DOCK1: variants seen among roughly 807,000 people sequenced by gnomAD.
DOCK1 encodes the protein dedicator of cytokinesis 1, also known as dedicator of cytokinesis protein 1.
DOCK1 carries 138 observed loss-of-function variants against 262.7 expected under a neutral mutation model. That is an observed-to-expected ratio of 0.53 (90% CI 0.46 to 0.61). The LOEUF is 0.61. Ranked by LOEUF, DOCK1 falls within the 20% of genes least tolerant of loss-of-function variation. The pLI, the probability that DOCK1 is intolerant of heterozygous loss-of-function variation, is 0.00. For missense variants in DOCK1, 1,908 were observed against 2,370.7 expected, an observed-to-expected ratio of 0.80 and a Z score of 4.05; for synonymous variants, 866 against 867.4, an observed-to-expected ratio of 1.00 and a Z score of 0.03.
chr10:127,065,640 C>T lies in DOCK1; in HGVS notation c.2445+3864C>T, dbSNP rs2045818264. Among the ~76,000 whole-genome samples, 6 of 152,156 alleles carry T rather than the reference C, an allele frequency of 3.9e-5. No homozygotes were observed. In the South Asian group the frequency reaches 8.3e-4, roughly 21 times the overall value. On this transcript the variant is annotated intron_variant, in intron 23 of 51. Transcript: ENST00000623213. ...CAGCACCCCACCATGCTACCGAAAC[C>T]TCACTTGAAATTCCATATTGACTTT...
intron 33 of DOCK1, among the ~76,000 whole-genome samples, chr10:127,373,496 C>G (rs1419801965): frequency 6.6e-6 from 1 of 151,670 alleles, no homozygotes; most frequent in Non-Finnish European, 1.5e-5. Flanking sequence ...TTTTTTTTCC[C>G]CCTATGGTTT....
chr10:127,373,956 A>G, intron 34 of DOCK1, 90 bp downstream of exon 34: 1 of 1,529,144 alleles, frequency 6.5e-7, no homozygotes, highest in Non-Finnish European at 8.8e-7. Context: ...GTAACCCAGA[A>G]ATAATTAAAA....
chr10:127,235,256 C>A (rs1016540532), intron 27 of DOCK1, among the ~76,000 whole-genome samples: 1 of 151,982 alleles, frequency 6.6e-6, no homozygotes, highest in Non-Finnish European at 1.5e-5. Flanking sequence ...GTAGCCACTA[C>A]CAAATACAAG....
chr10:127,340,928 A>C (rs953842935), intron 30 of DOCK1, among the ~76,000 whole-genome samples: 5 of 152,210 alleles, frequency 3.3e-5, no homozygotes, highest in African/African-American at 1.2e-4. Flanking sequence ...GTTTAGGCTT[A>C]TCATATAGAA....
intron 29 of DOCK1, among the ~76,000 whole-genome samples, chr10:127,265,307 A>G (rs546230020): frequency 6.6e-6 from 1 of 152,240 alleles, no homozygotes; most frequent in South Asian, 2.1e-4. Context: ...TGTCCTTTCA[A>G]ACTTTGAAAT....
chr10:127,031,587 A>T, intron 16 of DOCK1, 63 bp from the exon 17 acceptor site: 5 of 1,309,380 alleles, frequency 3.8e-6, no homozygotes, highest in Non-Finnish European at 5.4e-6. Flanking sequence ...GTAGCTTCTT[A>T]TAATGTTATT....
At chr10:127,279,660 C>T (rs918976320) in intron 29 of DOCK1, among the ~76,000 whole-genome samples, 2 of 152,164 alleles carry the variant, frequency 1.3e-5, no homozygotes, top group African/African-American at 4.8e-5. Flanking sequence ...CTTTTCACAA[C>T]GCACTTTGGA....
At chr10:127,349,574 C>T (rs541723665) in intron 31 of DOCK1, among the ~76,000 whole-genome samples, 1 of 152,246 alleles carries the variant, frequency 6.6e-6, no homozygotes, top group East Asian at 1.9e-4. Context: ...TCAGAATATT[C>T]ACTTAAAGGG....
At chr10:126,987,693 GT>G (rs549529994) in intron 5 of DOCK1, 76 bp downstream of exon 5, 41 of 1,250,622 alleles carry the variant, frequency 3.3e-5, no homozygotes, top group South Asian at 7.2e-5. Context: ...CCAATGGGAT[GT>G]TTTTTTTTCT....
At chr10:127,440,935 C>T (rs949218181) in intron 49 of DOCK1, among the ~76,000 whole-genome samples, 1 of 152,246 alleles carries the variant, frequency 6.6e-6, no homozygotes, top group African/African-American at 2.4e-5. Context: ...AGATGCCCAC[C>T]ACCCCAGAGG....
In DOCK1 at chr10:127,007,133, T is replaced by C. The variant is rs566463808; in HGVS notation, c.986-1599T>C. ...AGCTGTCATTTGATGTTGCAAGTTATTTGGGATTCTTTGACCTGTATCTGC... is the reference window on the plus strand; with the variant it reads ...AGCTGTCATTTGATGTTGCAAGTTACTTGGGATTCTTTGACCTGTATCTGC... On this transcript the variant is annotated intron_variant, in intron 10 of 51. Transcript: ENST00000623213. Among the ~76,000 whole-genome samples the C allele has an allele frequency of 4.6e-5, 7 of 152,254 alleles. No individual in the cohort carries two copies. The South Asian group carries it at 1.5e-3, about 32-fold the overall frequency.
chr10:127,036,850 G>A (rs973180241), intron 18 of DOCK1, among the ~76,000 whole-genome samples: 2 of 151,872 alleles, frequency 1.3e-5, no homozygotes, highest in Non-Finnish European at 2.9e-5. Flanking sequence ...GGTGGCGGGC[G>A]CCTGTAATCT....
chr10:127,423,627 G>C (rs984086221), intron 46 of DOCK1, among the ~76,000 whole-genome samples: 2 of 152,168 alleles, frequency 1.3e-5, no homozygotes, highest in African/African-American at 4.8e-5. Context: ...AAACTGCTGT[G>C]ATGTATACAT....
chr10:127,389,928 C>T (rs776385203), intron 38 of DOCK1, among the ~76,000 whole-genome samples: 1 of 151,512 alleles, frequency 6.6e-6, no homozygotes, highest in Non-Finnish European at 1.5e-5. Context: ...GCATGAGAAT[C>T]GCTTGAACCT....
chr10:127,122,351 G>A (rs940449581), intron 25 of DOCK1, among the ~76,000 whole-genome samples: 19 of 152,324 alleles, frequency 1.2e-4, no homozygotes, highest in African/African-American at 4.3e-4. Context: ...GGCCTTTAGG[G>A]AAAGAGCCTC....
At chr10:127,262,978 C>G (rs61870260) in intron 29 of DOCK1, among the ~76,000 whole-genome samples, 6,274 of 152,244 alleles carry the variant, frequency 0.041, 174 homozygotes, top group African/African-American at 0.075. Flanking sequence ...CCAGAGCATC[C>G]ACCCCAGAGC....
chr10:127,138,066 T>C (rs1391759717), intron 27 of DOCK1: 2 of 1,516,184 alleles, frequency 1.3e-6, no homozygotes, highest in East Asian at 4.5e-5. Context: ...ATCTTTTCCA[T>C]ATGAAGATCC....
chr10:127,000,060 G>A, intron 9 of DOCK1, 112 bp from the exon 10 acceptor site: 2 of 1,213,352 alleles, frequency 1.6e-6, no homozygotes, highest in Non-Finnish European at 2.3e-6. Context: ...TGATTAAAAT[G>A]ATAAAAACTG....
chr10:127,385,712 C>T (rs1161209375), intron 38 of DOCK1, among the ~76,000 whole-genome samples: 4 of 152,148 alleles, frequency 2.6e-5, no homozygotes, highest in African/African-American at 4.8e-5. Context: ...TTGGCGTGGC[C>T]GCCCCCTCTG....
Sources: allele counts gnomAD v4.1 joint callset (sites outside exome capture counted in the v4.1 genomes callset), GRCh38; gene constraint gnomAD v4.1.1; transcripts MANE v1.5; gene names NCBI Gene and HGNC (gene_info 2026-07-23, HGNC 2026-07-21).